The following SLC35F3 variants were observed in gnomAD, a reference collection of about 807,000 sequenced individuals.
SLC35F3 encodes the protein solute carrier family 35 member F3.
SLC35F3 carries 25 observed loss-of-function variants against 49.9 expected under a neutral mutation model. That is an observed-to-expected ratio of 0.50 (90% CI 0.37 to 0.70). The LOEUF (loss-of-function observed/expected upper bound fraction) is 0.70. Ranked by LOEUF, SLC35F3 falls within the 30% of genes least tolerant of loss-of-function variation. SLC35F3 has a pLI of 0.00. For missense variants in SLC35F3, 525 were observed against 639.8 expected, an observed-to-expected ratio of 0.82 and a Z score of 1.94; for synonymous variants, 275 against 265.4, an observed-to-expected ratio of 1.04 and a Z score of -0.35.
intron 2 of SLC35F3, among the ~76,000 whole-genome samples, chr1:233,921,653 C>CT (rs963979445): frequency 2.0e-5 from 3 of 151,420 alleles, no homozygotes; most frequent in African/African-American, 7.3e-5. Flanking sequence ...GCAGCTTTTT[C>CT]TTTTTTTTTA....
At chr1:234,221,920 A>G (rs762321321) in intron 2 of SLC35F3, among the ~76,000 whole-genome samples, 98 of 152,332 alleles carry the variant, frequency 6.4e-4, no homozygotes, top group Non-Finnish European at 1.2e-3. Context: ...TCATTAGCAG[A>G]GATTGGCTTA....
intron 2 of SLC35F3, among the ~76,000 whole-genome samples, chr1:233,993,155 C>T (rs535133358): frequency 3.3e-5 from 5 of 152,166 alleles, no homozygotes; most frequent in Middle Eastern, 3.4e-3. Context: ...TTAGTAGAGA[C>T]GGGGTTTCAC....
rs150179222 is a variant in SLC35F3, at chr1:234,116,780, C to A, written c.284-114637C>A. Among the ~76,000 whole-genome samples, 386 of 152,338 alleles carry A rather than the reference C, an allele frequency of 2.5e-3. 3 individuals are homozygous for A. Among genetic ancestry groups the A allele is most frequent in the African/African-American group, 8.7e-3 (361 of 41,572 alleles). ...CCACCCGCCTTGGCCTCCCAAAGTG[C>A]TGGGATTACAGGCGTGAGCCACCGC... On this transcript the variant is annotated intron_variant, in intron 2 of 7. Transcript: ENST00000366618.
At position 233,907,426 on chromosome 1, in the gene SLC35F3, GTC is replaced by G. The variant is rs759967113; in HGVS notation, c.283+1669_283+1670del. 1.2e-4 allele frequency among the ~76,000 whole-genome samples: 19 copies of G among 152,216 alleles called. No homozygotes were observed. In the East Asian group the frequency reaches 2.9e-3, roughly 23 times the overall value. ...AAGAGAAGGGCCATGTGGAAATGGAGTCCCTTGCATCACTGGAGGTAATTCTT... is the reference window on the plus strand; with the variant it reads ...AAGAGAAGGGCCATGTGGAAATGGAGCCTTGCATCACTGGAGGTAATTCTT... On this transcript the variant is annotated intron_variant, in intron 2 of 7. Coordinates refer to ENST00000366618, the MANE Select transcript of SLC35F3 (RefSeq NM_173508.4).
chr1:233,910,777 C>T (rs923069986), intron 2 of SLC35F3, among the ~76,000 whole-genome samples: 3 of 152,158 alleles, frequency 2.0e-5, no homozygotes, highest in Non-Finnish European at 4.4e-5. Context: ...GGTTTATACA[C>T]TTTGTTGAAC....
chr1:233,954,989 A>G (rs954772397), intron 2 of SLC35F3, among the ~76,000 whole-genome samples: 2 of 152,040 alleles, frequency 1.3e-5, no homozygotes, highest in Admixed American at 6.5e-5. Context: ...GATTACAGGC[A>G]CACACCACCA....
intron 2 of SLC35F3, among the ~76,000 whole-genome samples, chr1:234,228,149 A>T (rs1211987731): frequency 3.9e-5 from 6 of 152,232 alleles, no homozygotes; most frequent in Admixed American, 2.0e-4. Flanking sequence ...AACCAAAGCA[A>T]GATGAGGCAT....
intron 3 of SLC35F3, among the ~76,000 whole-genome samples, chr1:234,263,914 G>A (rs1160033062): frequency 6.6e-6 from 1 of 152,184 alleles, no homozygotes; most frequent in East Asian, 1.9e-4. Context: ...TTCGAGACCA[G>A]CCTGGCCAAC....
intron 2 of SLC35F3, among the ~76,000 whole-genome samples, chr1:234,125,964 G>A (rs1665641764): frequency 6.6e-6 from 1 of 152,184 alleles, no homozygotes; most frequent in African/African-American, 2.4e-5. Context: ...CACTAGCTCT[G>A]CAATCCTGAG....
At chr1:233,921,808 C>T (rs558648173) in intron 2 of SLC35F3, among the ~76,000 whole-genome samples, 1 of 147,760 alleles carries the variant, frequency 6.8e-6, no homozygotes, top group African/African-American at 2.5e-5. Flanking sequence ...CCCCCTCCCC[C>T]CAACAGGCCC....
At chr1:234,174,508 C>A (rs1267260894) in intron 2 of SLC35F3, among the ~76,000 whole-genome samples, 2 of 152,222 alleles carry the variant, frequency 1.3e-5, no homozygotes, top group African/African-American at 2.4e-5. Flanking sequence ...CGCCCTGTCT[C>A]TGAGAGAGCT....
intron 4 of SLC35F3, among the ~76,000 whole-genome samples, chr1:234,314,407 C>T (rs1657434379): frequency 6.6e-6 from 1 of 152,194 alleles, no homozygotes; most frequent in Admixed American, 6.5e-5. Context: ...CCCTCACTGT[C>T]CTTCATTGCC....
At chr1:234,142,901 A>G (rs906414150) in intron 2 of SLC35F3, among the ~76,000 whole-genome samples, 1 of 152,228 alleles carries the variant, frequency 6.6e-6, no homozygotes, top group Non-Finnish European at 1.5e-5. Flanking sequence ...ACTCTGGTGA[A>G]CTGTGACATA....
At chr1:234,257,480 A>C (rs1667838534) in intron 3 of SLC35F3, among the ~76,000 whole-genome samples, 1 of 152,256 alleles carries the variant, frequency 6.6e-6, no homozygotes, top group Admixed American at 6.5e-5. Flanking sequence ...GCTTTGTAAC[A>C]AATTGCCATG....
chr1:234,286,344 A>T (rs757492757), intron 3 of SLC35F3, among the ~76,000 whole-genome samples: 3 of 151,910 alleles, frequency 2.0e-5, no homozygotes, highest in Non-Finnish European at 4.4e-5. Context: ...ATAGGAATAA[A>T]TGTAAGGTAT....
chr1:234,139,951 T>TAATAAAATAAAATAAAATATAA (rs1665868720), intron 2 of SLC35F3, among the ~76,000 whole-genome samples: 2 of 90,564 alleles, frequency 2.2e-5, no homozygotes, highest in African/African-American at 8.1e-5. Context: ...CATCTCAAAA[T>TAATAAAATAAAATAAAATATAA]AATAAAATAA....
intron 2 of SLC35F3, among the ~76,000 whole-genome samples, chr1:234,127,664 A>G (rs1271883380): frequency 1.3e-5 from 2 of 152,218 alleles, no homozygotes; most frequent in Non-Finnish European, 2.9e-5. Context: ...GGAGATGATA[A>G]CTAAGGTATT....
intron 2 of SLC35F3, among the ~76,000 whole-genome samples, chr1:234,151,799 G>T (rs542941769): frequency 1.3e-5 from 2 of 152,154 alleles, no homozygotes; most frequent in Admixed American, 6.5e-5. Flanking sequence ...TTCCTTACAG[G>T]ATTAAAAACC....
chr1:234,249,910 G>A (rs980287243), intron 3 of SLC35F3, among the ~76,000 whole-genome samples: 1 of 152,168 alleles, frequency 6.6e-6, no homozygotes, highest in Non-Finnish European at 1.5e-5. Flanking sequence ...AGCAGTTTGT[G>A]GAATGTATAG....
Sources: gnomAD v4.1 joint callset for allele counts (sites outside exome capture counted in the v4.1 genomes callset) on GRCh38, gnomAD v4.1.1 for gene constraint, MANE v1.5 for transcripts, NCBI Gene and HGNC (gene_info 2026-07-23, HGNC 2026-07-21) for gene names.